The following SLC36A1 variants were observed in gnomAD, a reference collection of about 807,000 sequenced individuals.
SLC36A1 encodes the protein proton-coupled amino acid transporter 1.
A neutral mutation model predicts 47.5 loss-of-function variants in SLC36A1; 30 were observed. The observed-to-expected ratio is 0.63, with a 90% CI of 0.47 to 0.86. The LOEUF (loss-of-function observed/expected upper bound fraction) is 0.86. Ranked by LOEUF, SLC36A1 falls within the 40% of genes least tolerant of loss-of-function variation. The pLI is 0.00. For synonymous variants in SLC36A1, 255 were observed against 249.7 expected (o/e 1.02, Z -0.20); for missense variants, 517 against 606.0 (o/e 0.85, Z 1.54).
chr5:151,474,159 C>CAAAAAAAAAAAAAAAAA lies in SLC36A1; in HGVS notation c.822+392_822+408dup, dbSNP rs1156305401. On this transcript the variant is annotated intron_variant, in intron 8 of 10. Transcript: ENST00000243389. ...TGGGTGACAGAGCGAGACTCTGTCT[C>CAAAAAAAAAAAAAAAAA]AAAAAAAAAAAAAAAAAAAAGAAAT... 4.4e-3 allele frequency among the ~76,000 whole-genome samples: 264 copies of CAAAAAAAAAAAAAAAAA among 59,912 alleles called. 22 individuals carry two copies. Among genetic ancestry groups the CAAAAAAAAAAAAAAAAA allele is most frequent in the African/African-American group, 0.021 (254 of 11,956 alleles). 39.3% of individuals were successfully genotyped at this position (59,912 alleles called of 152,430 possible). A position where few individuals can be genotyped will look rare whatever the true frequency, so the allele number is the denominator to read the frequency against.
In SLC36A1 at chr5:151,479,379, A is replaced by G; in HGVS notation, c.1049A>G (p.Gln350Arg). The G allele has an allele frequency of 6.2e-7, 1 of 1,614,232 alleles. No individual in the cohort carries two copies. The highest frequency in any genetic ancestry group is 8.5e-7 in the Non-Finnish European group (1 of 1,180,038). Residue 350 changes from glutamine (Q) to arginine (R), a missense_variant, in exon 10 of 11, where the codon CAG becomes CGG. Physicochemically the swap from Gln to Arg is conservative, Grantham distance 43 (BLOSUM62 1). Coordinates refer to ENST00000243389, the MANE Select transcript of SLC36A1 (RefSeq NM_078483.4). ...SIGIFFTYALQFYVPAEIIIP... is the reference protein window; with the variant it reads ...SIGIFFTYALRFYVPAEIIIP... ...GGGATCTTTTTCACCTACGCACTCC[A>G]GTTCTACGTCCCGGCTGAGATCATC...
In SLC36A1 at chr5:151,492,324, T is replaced by G. The variant is rs1429506511; in HGVS notation, c.*4070T>G. The G allele has an allele frequency of 6.6e-6, 1 of 152,208 alleles. No individual in the cohort carries two copies. The highest frequency in any genetic ancestry group is 2.1e-4 in the South Asian group (1 of 4,832). The allele number at this position is 152,208 out of a possible 1,614,324, so 9.4% of individuals were successfully genotyped here. ...TAGATCCTGTTTTGGGGTTTGCACATGGATCGTATGTTAAGCTTTTTCTTT... is the reference window on the plus strand; with the variant it reads ...TAGATCCTGTTTTGGGGTTTGCACAGGGATCGTATGTTAAGCTTTTTCTTT... On this transcript the variant is annotated 3_prime_UTR_variant, in exon 11 of 11. Transcript: ENST00000243389.
At chr5:151,443,943 T>G (rs1752775753), upstream of SLC36A1, among the ~76,000 whole-genome samples, 1 of 152,246 alleles carries the variant, frequency 6.6e-6, no homozygotes, top group East Asian at 1.9e-4. Flanking sequence ...TATTGTGTTC[T>G]CTTGATGCCC....
chr5:151,492,622 TTGAG>T (rs1411260914), downstream of SLC36A1, among the ~76,000 whole-genome samples: 2 of 152,152 alleles, frequency 1.3e-5, no homozygotes, highest in African/African-American at 4.8e-5. Flanking sequence ...TCTCGAAAAC[TTGAG>T]TAAGAATTTT....
the SLC36A1 span, chr5:151,540,484 T>A: frequency 9.2e-5 from 120 of 1,305,152 alleles, no homozygotes; most frequent in African/African-American, 1.6e-3. Flanking sequence ...TCCCTTCTCC[T>A]GCTCCTCACT....
At chr5:151,367,374 T>TTTTTTTTCC in the SLC36A1 span, among the ~76,000 whole-genome samples, 224 of 145,528 alleles carry the variant, frequency 1.5e-3, 2 homozygotes, top group African/African-American at 5.5e-3. Flanking sequence ...TTTTTTTTTT[T>TTTTTTTTCC]CCCCAGGGTA....
intron 2 of SLC36A1, 85 bp downstream of exon 2, chr5:151,459,020 C>T: frequency 7.0e-7 from 1 of 1,423,106 alleles, no homozygotes; most frequent in Non-Finnish European, 9.5e-7. Flanking sequence ...CCAATTTCAT[C>T]AGTCCTCCAC....
At chr5:151,477,901 C>G (rs1435633102) in intron 9 of SLC36A1, among the ~76,000 whole-genome samples, 1 of 152,120 alleles carries the variant, frequency 6.6e-6, no homozygotes, top group Non-Finnish European at 1.5e-5. Context: ...TCCTAACACC[C>G]CAAACCCAGC....
At chr5:151,551,470 T>C in the SLC36A1 span, 12 of 1,614,062 alleles carry the variant, frequency 7.4e-6, no homozygotes, top group Non-Finnish European at 1.0e-5. Context: ...CTCTAACCTG[T>C]GTGGCAATGG....
At chr5:151,474,292 T>C (rs1757756378) in intron 8 of SLC36A1, among the ~76,000 whole-genome samples, 1 of 152,114 alleles carries the variant, frequency 6.6e-6, no homozygotes, top group Non-Finnish European at 1.5e-5. Context: ...TTAAAATGTT[T>C]ACATTCAAGG....
At chr5:151,399,084 A>ATATATATATTTTTTTT in the SLC36A1 span, among the ~76,000 whole-genome samples, 6 of 60,068 alleles carry the variant, frequency 1.0e-4, no homozygotes, top group South Asian at 4.9e-4. Flanking sequence ...ATATATATAT[A>ATATATATATTTTTTTT]TTTTTTTTTT....
At chr5:151,482,198 G>T (rs1758890825) in intron 10 of SLC36A1, among the ~76,000 whole-genome samples, 1 of 152,136 alleles carries the variant, frequency 6.6e-6, no homozygotes, top group African/African-American at 2.4e-5. Context: ...GTACCTTTGG[G>T]CCTTTCACAC....
chr5:151,522,118 A>T, the SLC36A1 span: 1 of 1,511,018 alleles, frequency 6.6e-7, no homozygotes, highest in Non-Finnish European at 9.0e-7. Context: ...CTGTCACCCA[A>T]CAGAACTGCA....
At chr5:151,553,356 A>T in the SLC36A1 span, 3 of 1,614,206 alleles carry the variant, frequency 1.9e-6, no homozygotes, top group Non-Finnish European at 2.5e-6. Context: ...ACTGGCTGAG[A>T]GTGGTGGCTG....
the SLC36A1 span, chr5:151,420,052 C>A: frequency 6.6e-6 from 1 of 152,220 alleles, no homozygotes; most frequent in South Asian, 2.1e-4. Context: ...AAAGGTAGAT[C>A]TTTTCCTAGT....
chr5:151,519,994 C>T, the SLC36A1 span, among the ~76,000 whole-genome samples: 1 of 152,188 alleles, frequency 6.6e-6, no homozygotes, highest in Non-Finnish European at 1.5e-5. Flanking sequence ...TGTCTGATGC[C>T]AGGTGGCTGA....
At chr5:151,345,328 G>A in the SLC36A1 span, among the ~76,000 whole-genome samples, 5 of 152,172 alleles carry the variant, frequency 3.3e-5, no homozygotes, top group Non-Finnish European at 5.9e-5. Context: ...ACAAACCAGG[G>A]ATTAAACCTC....
rs1759730975 is a variant in SLC36A1, at chr5:151,487,505, G to A, written c.1160-478G>A. ...CTGTGAAATGCGGTTTTATCACGGT[G>A]TCTTTCCAGAAGGCGGGGTTTCTTT... On this transcript the variant is annotated intron_variant, in intron 10 of 10. Coordinates refer to ENST00000243389, the MANE Select transcript of SLC36A1 (RefSeq NM_078483.4). Among the ~76,000 whole-genome samples, 2 of 152,200 alleles carry A rather than the reference G, an allele frequency of 1.3e-5. 1 individual carries two copies. Among genetic ancestry groups the A allele is most frequent in the South Asian group, 4.1e-4 (2 of 4,824 alleles).
chr5:151,388,722 T>C, the SLC36A1 span, among the ~76,000 whole-genome samples: 2 of 152,070 alleles, frequency 1.3e-5, no homozygotes, highest in East Asian at 1.9e-4. Context: ...TGAATTCACG[T>C]GAGATCAGAG....
Sources: allele counts gnomAD v4.1 joint callset (sites outside exome capture counted in the v4.1 genomes callset), GRCh38; gene constraint gnomAD v4.1.1; transcripts MANE v1.5; gene names NCBI Gene and HGNC (gene_info 2026-07-23, HGNC 2026-07-21).